The following ERBB4 variants were observed in gnomAD, a reference collection of about 807,000 sequenced individuals.
ERBB4 encodes the protein receptor tyrosine-protein kinase erbB-4.
ERBB4 carries 42 observed loss-of-function variants against 158.0 expected under a neutral mutation model. That is an observed-to-expected ratio of 0.27 (90% confidence interval 0.21 to 0.34). The LOEUF is 0.34. Ranked by LOEUF, ERBB4 falls within the 10% of genes least tolerant of loss-of-function variation. The pLI, the probability that ERBB4 is intolerant of heterozygous loss-of-function variation, is 1.00. For synonymous variants in ERBB4, 583 were observed against 558.7 expected (o/e 1.04, Z -0.61); for missense variants, 1,333 against 1,624.1 (o/e 0.82, Z 3.08).
At chr2:211,555,249 G>C (rs958280963) in intron 20 of ERBB4, among the ~76,000 whole-genome samples, 6 of 152,072 alleles carry the variant, frequency 3.9e-5, no homozygotes, top group African/African-American at 1.2e-4. Context: ...GCAATGGCAC[G>C]ATCTCGGCTC....
chr2:212,000,739 C>T (rs2076084050), intron 2 of ERBB4, among the ~76,000 whole-genome samples: 1 of 151,416 alleles, frequency 6.6e-6, no homozygotes, highest in African/African-American at 2.4e-5. Context: ...AAATGTCTAC[C>T]AAAATCTATA....
intron 20 of ERBB4, among the ~76,000 whole-genome samples, chr2:211,497,021 C>A (rs1313292330): frequency 6.6e-6 from 1 of 152,034 alleles, no homozygotes; most frequent in East Asian, 1.9e-4. Flanking sequence ...CTGCTGTGTA[C>A]CCCCAGTATG....
At chr2:212,099,807 CTT>C (rs1008192671) in intron 2 of ERBB4, among the ~76,000 whole-genome samples, 9 of 150,250 alleles carry the variant, frequency 6.0e-5, no homozygotes, top group African/African-American at 2.2e-4. Flanking sequence ...CTCCCTCTCT[CTT>C]TTCTTTTTTT....
intron 3 of ERBB4, among the ~76,000 whole-genome samples, chr2:211,895,192 A>G (rs1263201950): frequency 6.6e-6 from 1 of 152,128 alleles, no homozygotes; most frequent in African/African-American, 2.4e-5. Flanking sequence ...ACTGCTCTCA[A>G]ACTCCTTTCT....
chr2:211,702,499 TAAAG>T (rs1409828638), intron 11 of ERBB4, among the ~76,000 whole-genome samples: 1 of 152,194 alleles, frequency 6.6e-6, no homozygotes, highest in Non-Finnish European at 1.5e-5. Context: ...GTATTAACAC[TAAAG>T]AAGTGTTTAT....
At chr2:212,107,601 T>C (rs969463402) in intron 2 of ERBB4, among the ~76,000 whole-genome samples, 1 of 152,072 alleles carries the variant, frequency 6.6e-6, no homozygotes, top group African/African-American at 2.4e-5. Flanking sequence ...GAAGGCATGA[T>C]TGGTTTTGAA....
chr2:212,100,174 T>G (rs574352843), intron 2 of ERBB4, among the ~76,000 whole-genome samples: 1 of 152,234 alleles, frequency 6.6e-6, no homozygotes, highest in Non-Finnish European at 1.5e-5. Flanking sequence ...ACTGACAGCA[T>G]GGCTGTTTTC....
intron 2 of ERBB4, among the ~76,000 whole-genome samples, chr2:212,024,624 C>G (rs2076731861): frequency 6.6e-6 from 1 of 151,874 alleles, no homozygotes; most frequent in South Asian, 2.1e-4. Flanking sequence ...TTTCCTTTTT[C>G]TTTTACTGAC....
Position 211,487,524 on chromosome 2 carries a change from T to C in ERBB4, c.2488-56424A>G, listed in dbSNP as rs572012955. Among the ~76,000 whole-genome samples the C allele has an allele frequency of 2.5e-4, 38 of 152,216 alleles. 1 individual carries two copies. The South Asian group carries it at 7.7e-3, about 31-fold the overall frequency. Reference sequence around the variant, plus strand: ...TACACTCAAAACACCTCCTTCAGCATTGCAACTTGACATTTTAAAAACAAT... The same window carrying C: ...TACACTCAAAACACCTCCTTCAGCACTGCAACTTGACATTTTAAAAACAAT... On this transcript the variant is annotated intron_variant, in intron 20 of 27. Transcript: ENST00000342788.
intron 1 of ERBB4, among the ~76,000 whole-genome samples, chr2:212,456,052 A>G (rs553791911): frequency 6.6e-6 from 1 of 151,418 alleles, no homozygotes; most frequent in South Asian, 2.1e-4. Flanking sequence ...CAAAATTAAG[A>G]AAAAAAAAGC....
At chr2:211,697,363 T>C (rs144167884) in intron 12 of ERBB4, among the ~76,000 whole-genome samples, 1 of 152,246 alleles carries the variant, frequency 6.6e-6, no homozygotes, top group African/African-American at 2.4e-5. Flanking sequence ...TTTAAAGTAC[T>C]AGATGAAAAG....
chr2:212,224,792 A>G (rs917846854), intron 1 of ERBB4, among the ~76,000 whole-genome samples: 2 of 152,092 alleles, frequency 1.3e-5, no homozygotes, highest in African/African-American at 4.8e-5. Context: ...GGAAGGGAGC[A>G]CAGAATGATG....
intron 9 of ERBB4, among the ~76,000 whole-genome samples, chr2:211,707,936 T>C (rs2073511432): frequency 6.6e-6 from 1 of 152,206 alleles, no homozygotes; most frequent in Non-Finnish European, 1.5e-5. Context: ...GTTAAAAACA[T>C]CTCAGCTATT....
intron 14 of ERBB4, 64 bp downstream of exon 14, chr2:211,673,097 AAAT>A (rs1235926651): frequency 5.0e-6 from 6 of 1,199,620 alleles, no homozygotes; most frequent in Non-Finnish European, 6.2e-6. Context: ...ATAAATGATA[AAAT>A]AATAACAAAC....
chr2:211,973,784 A>G (rs1447846952), intron 2 of ERBB4, among the ~76,000 whole-genome samples: 1 of 152,198 alleles, frequency 6.6e-6, no homozygotes, highest in East Asian at 1.9e-4. Context: ...ATGCATGTGT[A>G]TGTTCATTAC....
At chr2:212,371,689 C>T (rs917961807) in intron 1 of ERBB4, among the ~76,000 whole-genome samples, 2 of 152,118 alleles carry the variant, frequency 1.3e-5, no homozygotes, top group African/African-American at 2.4e-5. Context: ...TCTTTTGTTC[C>T]TATTGATATC....
intron 20 of ERBB4, among the ~76,000 whole-genome samples, chr2:211,539,919 A>G (rs1367271245): frequency 4.6e-5 from 7 of 151,972 alleles, no homozygotes; most frequent in South Asian, 2.1e-4. Flanking sequence ...CATTCAGCAC[A>G]TTAGGTTATG....
chr2:211,567,916 T>G (rs1383094516), intron 19 of ERBB4, among the ~76,000 whole-genome samples: 1 of 152,052 alleles, frequency 6.6e-6, no homozygotes, highest in African/African-American at 2.4e-5. Context: ...ATCCCAATAT[T>G]TTAATCATAG....
chr2:212,491,024 ACTAT>A (rs1230071962), intron 1 of ERBB4, among the ~76,000 whole-genome samples: 1 of 151,662 alleles, frequency 6.6e-6, no homozygotes, highest in East Asian at 1.9e-4. Flanking sequence ...TGCTGTTATT[ACTAT>A]CTTTCTCTTT....
Sources: allele counts gnomAD v4.1 joint callset (sites outside exome capture counted in the v4.1 genomes callset), GRCh38; gene constraint gnomAD v4.1.1; transcripts MANE v1.5; gene names NCBI Gene and HGNC (gene_info 2026-07-23, HGNC 2026-07-21).